The following CDC42EP1 variants were observed in gnomAD, a reference collection of about 807,000 sequenced individuals.
CDC42EP1 encodes the protein 55 kDa bone marrow stromal/endothelial cell protein.
In CDC42EP1, 6 loss-of-function variants were observed where a neutral mutation model predicts 7.4. The ratio of observed to expected loss-of-function variants is 0.81; its 90% CI spans 0.44 to 1.60. CDC42EP1 has a LOEUF of 1.60. Ranked by LOEUF, CDC42EP1 falls within the 40% of genes most tolerant of loss-of-function variation. CDC42EP1 has a pLI of 0.01. For synonymous variants in CDC42EP1, 238 were observed against 227.1 expected (o/e 1.05, Z -0.43); for missense variants, 567 against 539.0 (o/e 1.05, Z -0.51).
In CDC42EP1 at chr22:37,566,238, A is replaced by G; in HGVS notation, c.-112A>G. 1 of 642,832 alleles carries G rather than the reference A, an allele frequency of 1.6e-6. No homozygotes were observed. Among genetic ancestry groups the G allele is most frequent in the Non-Finnish European group, 2.6e-6 (1 of 382,172 alleles). 39.8% of individuals were successfully genotyped at this position (642,832 alleles called of 1,614,324 possible). The stretch of plus-strand genomic sequence containing the variant: ...GGGGACCTCACCTTAGGAGAGTGCC[A>G]TTTACAGCTTCCGCCAGGGCAAAGG... On this transcript the variant is annotated 5_prime_UTR_variant, in exon 2 of 3. Coordinates refer to ENST00000249014, the MANE Select transcript of CDC42EP1 (RefSeq NM_152243.3). The surrounding 1 kb of genome is among the most constrained non-coding windows in gnomAD (Gnocchi z 6.4).
At chr22:37,567,413 C>A (rs1429900048) in intron 2 of CDC42EP1, among the ~76,000 whole-genome samples, 1 of 152,168 alleles carries the variant, frequency 6.6e-6, no homozygotes, top group African/African-American at 2.4e-5. Context: ...AAGCCACAGG[C>A]CTTCCTGCCC....
At chr22:37,560,966 C>A (rs1461153584) in intron 1 of CDC42EP1, among the ~76,000 whole-genome samples, 1 of 150,856 alleles carries the variant, frequency 6.6e-6, no homozygotes, top group Admixed American at 6.6e-5. Flanking sequence ...GTCTCCCCTC[C>A]GCCGAGGCCC....
Position 37,568,912 on chromosome 22 carries a change from T to G in CDC42EP1, c.*92T>G. 1.1e-6 allele frequency: 1 copy of G among 878,758 alleles called. No homozygotes were observed. The highest frequency in any genetic ancestry group is 3.0e-5 in the East Asian group (1 of 33,572). The allele number at this position is 878,758 out of a possible 1,614,324, so 54.4% of individuals were successfully genotyped here. On this transcript the variant is annotated 3_prime_UTR_variant, in exon 3 of 3. Transcript: ENST00000249014. Reference sequence around the variant, plus strand: ...CCTACCAGACCGGAGAGGGGAGAAGTCATGTTGCCCCTAAACCCCTCCCCA... The same window carrying G: ...CCTACCAGACCGGAGAGGGGAGAAGGCATGTTGCCCCTAAACCCCTCCCCA...
In CDC42EP1 at chr22:37,566,820, C is replaced by A; in HGVS notation, c.463+8C>A. On this transcript the variant is annotated splice_region_variant and intron_variant, in intron 2 of 2. Coordinates refer to ENST00000249014, the MANE Select transcript of CDC42EP1 (RefSeq NM_152243.3). The surrounding 1 kb of genome is among the most constrained non-coding windows in gnomAD (Gnocchi z 6.4). ...ACGGCCACTCCAGCTACGGTGAGGG[C>A]CTGGGCCATCTTGGCCCACTTTTCA... 6.5e-7 allele frequency: 1 copy of A among 1,534,836 alleles called. No homozygotes were observed. The highest frequency in any genetic ancestry group is 1.8e-4 in the Middle Eastern group (1 of 5,672).
Position 37,568,229 on chromosome 22 carries a change from C to T in CDC42EP1, c.585C>T (p.Ser195=), listed in dbSNP as rs1302507463. The change falls in exon 3 of 3, where the codon TCC becomes TCT. Residue 195 remains serine (S), a synonymous_variant. Coordinates refer to ENST00000249014, the MANE Select transcript of CDC42EP1 (RefSeq NM_152243.3). ...PGLRRSDSLL[S]FRLDLDLGPS... Reference sequence around the variant, plus strand: ...TTCGCCGCTCTGACTCTCTCTTGTCCTTCCGCCTGGACCTCGACCTTGGGC... The same window carrying T: ...TTCGCCGCTCTGACTCTCTCTTGTCTTTCCGCCTGGACCTCGACCTTGGGC... 15 of 1,613,804 alleles carry T rather than the reference C, an allele frequency of 9.3e-6. No individual in the cohort carries two copies. The highest frequency in any genetic ancestry group is 1.2e-5 in the Non-Finnish European group (14 of 1,179,996).
Position 37,568,187 on chromosome 22 carries a change from C to A in CDC42EP1, c.543C>A (p.Phe181Leu), listed in dbSNP as rs756986704. ...ATGACCGAGACCGGGATGGTTCCTT[C>A]CCCTCTGAGCCCGGGCTTCGCCGCT... ...KPHDRDRDGS[F>L]PSEPGLRRSD... Residue 181 changes from phenylalanine to leucine, a missense_variant, in exon 3 of 3, where the codon TTC becomes TTA. Physicochemically the swap from Phe to Leu is conservative, Grantham distance 22. Transcript: ENST00000249014. The A allele has an allele frequency of 6.2e-7, 1 of 1,614,030 alleles. No homozygotes were observed. Among genetic ancestry groups the A allele is most frequent in the East Asian group, 2.2e-5 (1 of 44,874 alleles).
Position 37,568,193 on chromosome 22 carries a change from T to A in CDC42EP1, c.549T>A (p.Ser183=). 1 of 1,614,022 alleles carries A rather than the reference T, an allele frequency of 6.2e-7. No individual in the cohort carries two copies. Among genetic ancestry groups the A allele is most frequent in the Non-Finnish European group, 8.5e-7 (1 of 1,179,992 alleles). ...HDRDRDGSFP[S]EPGLRRSDSL... ...GAGACCGGGATGGTTCCTTCCCCTCTGAGCCCGGGCTTCGCCGCTCTGACT... is the reference window on the plus strand; with the variant it reads ...GAGACCGGGATGGTTCCTTCCCCTCAGAGCCCGGGCTTCGCCGCTCTGACT... The change falls in exon 3 of 3, where the codon TCT becomes TCA. Residue 183 remains serine, a synonymous_variant. Transcript: ENST00000249014.
rs891447592 is a variant in CDC42EP1, at chr22:37,566,217, A to G, written c.-133A>G. 19 of 541,684 alleles carry G rather than the reference A, an allele frequency of 3.5e-5. No homozygotes were observed. The African/African-American group carries it at 3.7e-4, about 11-fold the overall frequency. The allele number at this position is 541,684 out of a possible 1,614,324, so 33.6% of individuals were successfully genotyped here. A position where few individuals can be genotyped will look rare whatever the true frequency, so the allele number is the denominator to read the frequency against. Reference sequence around the variant, plus strand: ...CCCCCCACAGCCTCTGCATTTGGGGACCTCACCTTAGGAGAGTGCCATTTA... The same window carrying G: ...CCCCCCACAGCCTCTGCATTTGGGGGCCTCACCTTAGGAGAGTGCCATTTA... On this transcript the variant is annotated 5_prime_UTR_variant, in exon 2 of 3. Transcript: ENST00000249014. The surrounding 1 kb of genome is among the most constrained non-coding windows in gnomAD (Gnocchi z 6.4).
Position 37,566,793 on chromosome 22 carries a change from G to C in CDC42EP1, c.444G>C (p.Thr148=), listed in dbSNP as rs370359827. Residue 148 remains threonine, a synonymous_variant, in exon 2 of 3, where the codon ACG becomes ACC. Transcript: ENST00000249014. This position sits in a 1 kb window ranked among gnomAD's most constrained non-coding sequence, Gnocchi z 6.4. ...TCGACAGCAGCCCCACCAGCTCCAC[G>C]GACGGCCACTCCAGCTACGGTGAGG... is the stretch of plus-strand genomic sequence containing the variant. ...LSFDSSPTSS[T]DGHSSYGLDS... is the part of the protein sequence containing the mutation. 7.5e-5 allele frequency: 118 copies of C among 1,565,972 alleles called. No individual in the cohort carries two copies. Among genetic ancestry groups the C allele is most frequent in the Non-Finnish European group, 9.2e-5 (106 of 1,157,592 alleles).
At chr22:37,563,494 T>C (rs1007416537) in intron 1 of CDC42EP1, among the ~76,000 whole-genome samples, 5 of 152,118 alleles carry the variant, frequency 3.3e-5, no homozygotes, top group African/African-American at 4.8e-5. Flanking sequence ...GATTCAGAAG[T>C]TCCCCCCCAC....
chr22:37,566,793 G>A lies in CDC42EP1; in HGVS notation c.444G>A (p.Thr148=), dbSNP rs370359827. ...LSFDSSPTSS[T]DGHSSYGLDS... ...TCGACAGCAGCCCCACCAGCTCCACGGACGGCCACTCCAGCTACGGTGAGG... is the reference window on the plus strand; with the variant it reads ...TCGACAGCAGCCCCACCAGCTCCACAGACGGCCACTCCAGCTACGGTGAGG... Residue 148 remains threonine, a synonymous_variant, in exon 2 of 3, where the codon ACG becomes ACA. Coordinates refer to ENST00000249014, the MANE Select transcript of CDC42EP1 (RefSeq NM_152243.3). The surrounding 1 kb of genome is among the most constrained non-coding windows in gnomAD (Gnocchi z 6.4). 1.1e-5 allele frequency: 17 copies of A among 1,565,972 alleles called. No homozygotes were observed. The highest frequency in any genetic ancestry group is 1.7e-4 in the Middle Eastern group (1 of 5,820).
rs1925221955 is a variant in CDC42EP1 at position 37,566,060 on chromosome 22, TCTTC to T, written c.-278-6_-278-3del. On this transcript the variant is annotated splice_region_variant and splice_polypyrimidine_tract_variant and intron_variant, in intron 1 of 2. Coordinates refer to ENST00000249014, the MANE Select transcript of CDC42EP1 (RefSeq NM_152243.3). This position sits in a 1 kb window ranked among gnomAD's most constrained non-coding sequence, Gnocchi z 6.4. Reference sequence around the variant, plus strand: ...GGGCCTGCCGTCACCGCCCATTCTGTCTTCCTTCCAGGTCTCCACCTCTGGGCAG... The same window carrying T: ...GGGCCTGCCGTCACCGCCCATTCTGTCTTCCAGGTCTCCACCTCTGGGCAG... The T allele has an allele frequency of 2.4e-5, 8 of 334,112 alleles. No homozygotes were observed. Among genetic ancestry groups the T allele is most frequent in the Non-Finnish European group, 3.3e-5 (6 of 184,474 alleles). The allele number at this position is 334,112 out of a possible 1,614,324, so 20.7% of individuals were successfully genotyped here. A position where few individuals can be genotyped will look rare whatever the true frequency, so the allele number is the denominator to read the frequency against.
Position 37,568,654 on chromosome 22 carries a change from G to A in CDC42EP1, c.1010G>A (p.Arg337Gln), listed in dbSNP as rs745910636. 78 of 1,564,552 alleles carry A rather than the reference G, an allele frequency of 5.0e-5. 1 individual carries two copies. The highest frequency in any genetic ancestry group is 4.2e-4 in the South Asian group (35 of 83,906). ...GGHHYPEMDA[R>Q]QERVEVLPQA... is the part of the protein sequence containing the mutation. ...CACCACTACCCAGAGATGGATGCGC[G>A]GCAGGAGCGGGTGGAGGTGCTGCCC... is the stretch of plus-strand genomic sequence containing the variant. Residue 337 changes from arginine (R) to glutamine (Q), a missense_variant, in exon 3 of 3, where the codon CGG becomes CAG. Physicochemically the swap from Arg to Gln is conservative, Grantham distance 43. Transcript: ENST00000249014.
intron 1 of CDC42EP1, 82 bp from the exon 2 acceptor site, chr22:37,565,990 T>C: frequency 4.8e-6 from 1 of 206,684 alleles, no homozygotes. Context: ...TCATCTATCC[T>C]CTTCAGCTGC....
In CDC42EP1 at chr22:37,568,156, A is replaced by T. The variant is rs918610738; in HGVS notation, c.512A>T (p.Lys171Met). Residue 171 changes from lysine (K) to methionine (M), a missense_variant, in exon 3 of 3, where the codon AAG becomes ATG. Lys to Met is a moderately conservative substitution (Grantham distance 95, BLOSUM62 -1). Coordinates refer to ENST00000249014, the MANE Select transcript of CDC42EP1 (RefSeq NM_152243.3). ...ATCTCCCGCCTGCCCCGCTCGGAAA[A>T]GCCGCATGACCGAGACCGGGATGGT... ...CTISRLPRSE[K>M]PHDRDRDGSF... 58 of 1,613,770 alleles carry T rather than the reference A, an allele frequency of 3.6e-5. No individual in the cohort carries two copies. Among genetic ancestry groups the T allele is most frequent in the Non-Finnish European group, 4.8e-5 (57 of 1,179,946 alleles).
chr22:37,565,405 T>A (rs1384502026), intron 1 of CDC42EP1, among the ~76,000 whole-genome samples: 4 of 151,858 alleles, frequency 2.6e-5, no homozygotes, highest in Admixed American at 6.6e-5. Context: ...TTGCTCAGAC[T>A]TAGAATGAGT....
Position 37,569,003 on chromosome 22 carries a change from C to T in CDC42EP1, c.*183C>T. 1 of 424,318 alleles carries T rather than the reference C, an allele frequency of 2.4e-6. No individual in the cohort carries two copies. The highest frequency in any genetic ancestry group is 3.5e-5 in the East Asian group (1 of 28,182). The allele number at this position is 424,318 out of a possible 1,614,324, so 26.3% of individuals were successfully genotyped here. A position where few individuals can be genotyped will look rare whatever the true frequency, so the allele number is the denominator to read the frequency against. The stretch of plus-strand genomic sequence containing the variant: ...AGGCTTGCTCTGGGACTTTTATGCT[C>T]CCAGAGGCCCTGCCAAACTGACCAC... On this transcript the variant is annotated 3_prime_UTR_variant, in exon 3 of 3. Coordinates refer to ENST00000249014, the MANE Select transcript of CDC42EP1 (RefSeq NM_152243.3).
intron 1 of CDC42EP1, among the ~76,000 whole-genome samples, chr22:37,562,251 C>T (rs186968282): frequency 2.6e-5 from 4 of 152,316 alleles, no homozygotes; most frequent in East Asian, 1.9e-4. Context: ...TTCTGAGCTT[C>T]GTTTTTTCCA....
rs1434420180 is a variant in CDC42EP1 at position 37,568,262 on chromosome 22, C to T, written c.618C>T (p.Leu206=). 6.2e-7 allele frequency: 1 copy of T among 1,613,732 alleles called. No individual in the cohort carries two copies. ...FRLDLDLGPS[L]LSELLGVMSL... is the part of the protein sequence containing the mutation. ...TGGACCTCGACCTTGGGCCCTCACT[C>T]CTCAGCGAGCTGCTAGGGGTCATGA... The change falls in exon 3 of 3, where the codon CTC becomes CTT. Residue 206 remains leucine (L), a synonymous_variant. Transcript: ENST00000249014.
Sources: gnomAD v4.1 joint callset for allele counts (sites outside exome capture counted in the v4.1 genomes callset) on GRCh38, gnomAD v4.1.1 for gene constraint, Gnocchi (gnomAD v3.1) non-coding constraint, MANE v1.5 for transcripts, NCBI Gene and HGNC (gene_info 2026-07-23, HGNC 2026-07-21) for gene names.